The following TBC1D9 variants were observed in gnomAD, a reference collection of about 807,000 sequenced individuals.
The protein encoded by TBC1D9 is TBC1 domain family member 9.
In TBC1D9, 63 loss-of-function variants were observed where a neutral mutation model predicts 132.0. That is an observed-to-expected ratio of 0.48 (90% CI 0.39 to 0.59). The LOEUF (loss-of-function observed/expected upper bound fraction) is 0.59. Ranked by LOEUF, TBC1D9 falls within the 20% of genes least tolerant of loss-of-function variation. The probability of loss-of-function intolerance (pLI) is 0.00; values close to 1 mark genes in which losing one functional copy is unlikely to be tolerated. For synonymous variants in TBC1D9, 610 were observed against 609.9 expected (o/e 1.00, Z 0.00); for missense variants, 1,261 against 1,592.7 (o/e 0.79, Z 3.54).
chr4:140,653,967 A>G (rs1737226892), intron 13 of TBC1D9, among the ~76,000 whole-genome samples: 1 of 152,260 alleles, frequency 6.6e-6, no homozygotes, highest in African/African-American at 2.4e-5. Flanking sequence ...AAAAATGGGC[A>G]AAATGCTGAC....
intron 1 of TBC1D9, chr4:140,716,098 G>A (rs1418582486): frequency 1.3e-5 from 2 of 152,204 alleles, no homozygotes; most frequent in Non-Finnish European, 2.9e-5. Flanking sequence ...ACCTGTAAAT[G>A]TAGATAAGTC....
intron 1 of TBC1D9, among the ~76,000 whole-genome samples, chr4:140,740,579 A>C (rs918619703): frequency 6.6e-6 from 1 of 152,250 alleles, no homozygotes; most frequent in Non-Finnish European, 1.5e-5. Flanking sequence ...AAAGTGTCCC[A>C]GGAATGTAAC....
At chr4:140,738,044 T>C (rs1200851772) in intron 1 of TBC1D9, among the ~76,000 whole-genome samples, 1 of 152,178 alleles carries the variant, frequency 6.6e-6, no homozygotes. Flanking sequence ...AATAATAATT[T>C]TATGTCCACA....
intron 1 of TBC1D9, among the ~76,000 whole-genome samples, chr4:140,746,005 G>A (rs1305630163): frequency 6.6e-6 from 1 of 152,270 alleles, no homozygotes; most frequent in African/African-American, 2.4e-5. Context: ...TCCACTGAAT[G>A]CACTATGTCA....
At chr4:140,631,170 C>T (rs181422219) in intron 16 of TBC1D9, among the ~76,000 whole-genome samples, 142 of 152,294 alleles carry the variant, frequency 9.3e-4, no homozygotes, top group Non-Finnish European at 1.8e-3. Context: ...AAGTTTCAGC[C>T]GCACTGTTGG....
chr4:140,691,566 C>T lies in TBC1D9; in HGVS notation c.242-5104G>A, dbSNP rs573742331. On this transcript the variant is annotated intron_variant, in intron 2 of 20. Coordinates refer to ENST00000442267, the MANE Select transcript of TBC1D9 (RefSeq NM_015130.3). The stretch of plus-strand genomic sequence containing the variant: ...AAAGGCCCCATTTACAGAGATGCAG[C>T]AGGAAAAACAAGCTGACCCGATTGT... 2.9e-4 allele frequency among the ~76,000 whole-genome samples: 44 copies of T among 152,226 alleles called. No homozygotes were observed. In the South Asian group the frequency reaches 7.7e-3, roughly 27 times the overall value.
intron 12 of TBC1D9, 113 bp from the exon 13 acceptor site, chr4:140,657,339 T>C: frequency 7.1e-7 from 1 of 1,414,004 alleles, no homozygotes; most frequent in Non-Finnish European, 9.6e-7. Context: ...CTAGAGTTTC[T>C]TTAAAGATGG....
At chr4:140,738,356 G>A (rs757998956) in intron 1 of TBC1D9, among the ~76,000 whole-genome samples, 1 of 152,084 alleles carries the variant, frequency 6.6e-6, no homozygotes, top group South Asian at 2.1e-4. Context: ...ATGCATAATT[G>A]ACCCCCCCTT....
At position 140,624,219 on chromosome 4, in the gene TBC1D9, C is replaced by T. The variant is rs748335893; in HGVS notation, c.2975G>A (p.Gly992Glu). 1 of 1,611,298 alleles carries T rather than the reference C, an allele frequency of 6.2e-7. No individual in the cohort carries two copies. The highest frequency in any genetic ancestry group is 1.1e-5 in the South Asian group (1 of 90,460). Residue 992 changes from glycine (G) to glutamate (E), a missense_variant and splice_region_variant, in exon 20 of 21, where the codon GGG (glycine) becomes GAG (glutamate). Transcript: ENST00000442267. ...FVTVSLKPDK[G>E]KRANSQENRN... ...ATTTTCTTGGGAATTTGCTCTCTTCCCTACAACCCAAATGTCAAGAAATAA... is the reference window on the plus strand; with the variant it reads ...ATTTTCTTGGGAATTTGCTCTCTTCTCTACAACCCAAATGTCAAGAAATAA...
chr4:140,755,679 A>G (rs1738999476), intron 1 of TBC1D9, among the ~76,000 whole-genome samples: 1 of 152,194 alleles, frequency 6.6e-6, no homozygotes, highest in African/African-American at 2.4e-5. Flanking sequence ...TCTCCTCAAC[A>G]TATCCACTTA....
chr4:140,731,928 A>C (rs962493947), intron 1 of TBC1D9, among the ~76,000 whole-genome samples: 2 of 152,184 alleles, frequency 1.3e-5, no homozygotes, highest in Admixed American at 1.3e-4. Flanking sequence ...TGATGTGCAC[A>C]TTGCATAAAG....
Position 140,621,445 on chromosome 4 carries a change from C to T in TBC1D9, c.*750G>A, listed in dbSNP as rs1736612111. On this transcript the variant is annotated 3_prime_UTR_variant, in exon 21 of 21. Transcript: ENST00000442267. ...GCTGCTACTTTCAGATTCTCTGTGA[C>T]AAAAGACTGTTACTTTTCACTGAAT... 1 of 152,158 alleles carries T rather than the reference C, an allele frequency of 6.6e-6. No homozygotes were observed. Among genetic ancestry groups the T allele is most frequent in the South Asian group, 2.1e-4 (1 of 4,832 alleles). The allele number at this position is 152,158 out of a possible 1,614,324, so 9.4% of individuals were successfully genotyped here.
intron 8 of TBC1D9, among the ~76,000 whole-genome samples, chr4:140,669,425 A>C (rs1235883355): frequency 1.3e-5 from 2 of 152,222 alleles, no homozygotes; most frequent in East Asian, 3.9e-4. Flanking sequence ...AAACAAAACA[A>C]GACCAAAAGA....
At position 140,634,188 on chromosome 4, in the gene TBC1D9, C is replaced by T. The variant is rs757892765; in HGVS notation, c.2506G>A (p.Ala836Thr). 1 of 1,611,732 alleles carries T rather than the reference C, an allele frequency of 6.2e-7. No homozygotes were observed. Among genetic ancestry groups the T allele is most frequent in the Non-Finnish European group, 8.5e-7 (1 of 1,179,600 alleles). The change falls in exon 16 of 21, where the codon GCA becomes ACA. Residue 836 changes from alanine (A) to threonine (T), a missense_variant and splice_region_variant. By Grantham distance (58) the Ala-to-Thr change is moderately conservative. Transcript: ENST00000442267. Reference sequence around the variant, plus strand: ...CAGTAGCAGCTGGTGAGATGTTCTGCCTGAAAAAGAATGGATGATCACTGG... The same window carrying T: ...CAGTAGCAGCTGGTGAGATGTTCTGTCTGAAAAAGAATGGATGATCACTGG... ...ELEELYALFK[A>T]EHLTSCYWGG...
intron 1 of TBC1D9, among the ~76,000 whole-genome samples, chr4:140,741,102 T>C (rs1446552792): frequency 6.6e-6 from 1 of 152,068 alleles, no homozygotes; most frequent in Non-Finnish European, 1.5e-5. Flanking sequence ...ATCTCCTCCC[T>C]TTGGAATTCC....
At chr4:140,668,350 G>A (rs1737480260) in intron 9 of TBC1D9, among the ~76,000 whole-genome samples, 1 of 152,180 alleles carries the variant, frequency 6.6e-6, no homozygotes, top group Admixed American at 6.5e-5. Flanking sequence ...GTCCTTCCTG[G>A]CATCTCTGGC....
At chr4:140,690,071 T>G (rs1398997690) in intron 2 of TBC1D9, among the ~76,000 whole-genome samples, 2 of 151,828 alleles carry the variant, frequency 1.3e-5, no homozygotes, top group African/African-American at 4.8e-5. Flanking sequence ...ATGCACACAT[T>G]TCTATATGTA....
intron 13 of TBC1D9, among the ~76,000 whole-genome samples, chr4:140,656,700 C>A (rs1169406032): frequency 3.3e-5 from 5 of 152,232 alleles, no homozygotes; most frequent in Admixed American, 3.3e-4. Flanking sequence ...TTACTTACAA[C>A]TGTCTTGGTA....
intron 13 of TBC1D9, chr4:140,642,697 ATTG>A: frequency 1.5e-6 from 1 of 664,288 alleles, no homozygotes; most frequent in East Asian, 2.5e-5. Context: ...CAATAAGGGC[ATTG>A]TGTTCCTCCT....
Sources: gnomAD v4.1 joint callset for allele counts (sites outside exome capture counted in the v4.1 genomes callset) on GRCh38, gnomAD v4.1.1 for gene constraint, MANE v1.5 for transcripts, NCBI Gene and HGNC (gene_info 2026-07-23, HGNC 2026-07-21) for gene names.